The following GRID1 variants were observed in gnomAD, a reference collection of about 807,000 sequenced individuals.
The protein encoded by GRID1 is glutamate ionotropic receptor delta type subunit 1.
GRID1 carries 28 observed loss-of-function variants against 98.0 expected under a neutral mutation model. That is an observed-to-expected ratio of 0.29 (90% CI 0.21 to 0.39). GRID1 has a LOEUF of 0.39. Among genes scored for constraint, GRID1 ranks in the 10% least tolerant of loss-of-function variants. The pLI, the probability that GRID1 is intolerant of heterozygous loss-of-function variation, is 1.00. For missense variants in GRID1, 1,111 were observed against 1,340.5 expected, an observed-to-expected ratio of 0.83 and a Z score of 2.67; for synonymous variants, 553 against 538.5, an observed-to-expected ratio of 1.03 and a Z score of -0.37.
chr10:86,165,836 C>T (rs982206882), intron 3 of GRID1, among the ~76,000 whole-genome samples: 1 of 152,080 alleles, frequency 6.6e-6, no homozygotes, highest in Admixed American at 6.6e-5. Context: ...TGGCAGGAAC[C>T]GACATTCAGC....
intron 2 of GRID1, among the ~76,000 whole-genome samples, chr10:86,242,706 A>C (rs990110985): frequency 6.6e-6 from 1 of 152,218 alleles, no homozygotes; most frequent in Admixed American, 6.5e-5. Context: ...CCTCTCCAGC[A>C]GTACACTCTT....
intron 3 of GRID1, among the ~76,000 whole-genome samples, chr10:86,159,100 T>C (rs1214351480): frequency 6.6e-6 from 1 of 152,170 alleles, no homozygotes; most frequent in Non-Finnish European, 1.5e-5. Context: ...TTCACCGTGT[T>C]AGTCAGGATG....
chr10:86,003,707 A>G (rs1386863041), intron 4 of GRID1, among the ~76,000 whole-genome samples: 4 of 152,262 alleles, frequency 2.6e-5, no homozygotes, highest in Admixed American at 6.5e-5. Context: ...ATGGGTACCT[A>G]AGAAGATATT....
intron 2 of GRID1, among the ~76,000 whole-genome samples, chr10:86,301,235 G>A (rs913411158): frequency 6.6e-6 from 1 of 152,220 alleles, no homozygotes; most frequent in Admixed American, 6.5e-5. Flanking sequence ...TGGACCTGCT[G>A]CTGGGGGCCC....
chr10:85,639,028 G>C (rs930271592), intron 13 of GRID1, among the ~76,000 whole-genome samples: 1 of 152,180 alleles, frequency 6.6e-6, no homozygotes, highest in Non-Finnish European at 1.5e-5. Context: ...ATAGGAGGTA[G>C]TTAGACAGTT....
intron 11 of GRID1, 39 bp downstream of exon 11, chr10:85,724,313 C>A (rs1841736340): frequency 6.5e-7 from 1 of 1,526,836 alleles, no homozygotes; most frequent in African/African-American, 1.4e-5. Flanking sequence ...TCTTCCAGGC[C>A]CCTAGAGCTA....
intron 8 of GRID1, among the ~76,000 whole-genome samples, chr10:85,850,754 C>CA (rs1257359129): frequency 6.6e-6 from 1 of 152,230 alleles, no homozygotes; most frequent in Non-Finnish European, 1.5e-5. Flanking sequence ...AAGTGCTGCA[C>CA]AGTGTCATTA....
chr10:86,343,706 T>C (rs975449650), intron 2 of GRID1, among the ~76,000 whole-genome samples: 13 of 152,214 alleles, frequency 8.5e-5, no homozygotes, highest in African/African-American at 2.9e-4. Context: ...GCCTTGAAGT[T>C]AATGAGGCGT....
At chr10:86,261,110 T>G (rs1172728377) in intron 2 of GRID1, among the ~76,000 whole-genome samples, 3 of 152,240 alleles carry the variant, frequency 2.0e-5, no homozygotes, top group African/African-American at 7.2e-5. Context: ...CAACCCAGGT[T>G]CTATGCTTGG....
At chr10:85,603,005 G>C (rs1199107399) in intron 15 of GRID1, among the ~76,000 whole-genome samples, 3 of 152,174 alleles carry the variant, frequency 2.0e-5, no homozygotes, top group African/African-American at 7.2e-5. Context: ...CAACCCTTAG[G>C]ACAAGATGCT....
intron 8 of GRID1, among the ~76,000 whole-genome samples, chr10:85,845,666 C>T (rs1004756915): frequency 6.6e-6 from 1 of 152,330 alleles, no homozygotes; most frequent in African/African-American, 2.4e-5. Flanking sequence ...GTGGCCCTGT[C>T]TAGTGTGCTT....
At chr10:86,015,257 G>C (rs1277422087) in intron 4 of GRID1, among the ~76,000 whole-genome samples, 3 of 152,158 alleles carry the variant, frequency 2.0e-5, no homozygotes, top group African/African-American at 7.2e-5. Flanking sequence ...AACGCACACG[G>C]GTGTCAGTCA....
intron 2 of GRID1, among the ~76,000 whole-genome samples, chr10:86,304,705 G>A (rs1464877920): frequency 6.6e-6 from 1 of 152,204 alleles, no homozygotes; most frequent in Non-Finnish European, 1.5e-5. Flanking sequence ...TGTAAGATAT[G>A]AGCTACGATC....
chr10:86,088,733 G>T (rs1355267786), intron 4 of GRID1, among the ~76,000 whole-genome samples: 1 of 152,098 alleles, frequency 6.6e-6, no homozygotes, highest in Non-Finnish European at 1.5e-5. Flanking sequence ...ACAAACATAA[G>T]AAGAGTCTGG....
At chr10:86,356,852 GCT>G (rs1194481733) in intron 2 of GRID1, among the ~76,000 whole-genome samples, 3 of 152,236 alleles carry the variant, frequency 2.0e-5, no homozygotes, top group Admixed American at 1.3e-4. Flanking sequence ...CAGAAGGGAT[GCT>G]CTGAGTTGTT....
In GRID1 at chr10:85,613,544, C is replaced by T. The variant is rs143982305; in HGVS notation, c.2464G>A (p.Asp822Asn). Residue 822 changes from aspartate to asparagine, a missense_variant, in exon 15 of 16, where the codon GAC becomes AAC. Asp to Asn is a conservative substitution (Grantham distance 23). Coordinates refer to ENST00000327946, the MANE Select transcript of GRID1 (RefSeq NM_017551.3). ...DLTSHASAQADGKSLKLHSFA... is the reference protein window; with the variant it reads ...DLTSHASAQANGKSLKLHSFA... ...CTGTGCAGCTTGAGGGATTTGCCGT[C>T]GGCCTGGGCGCTGGCATGGCTGGTG... 440 of 1,614,204 alleles carry T rather than the reference C, an allele frequency of 2.7e-4. No homozygotes were observed. The highest frequency in any genetic ancestry group is 8.3e-5 in the Admixed American group (5 of 60,026).
chr10:86,339,274 G>A (rs1234472832), intron 2 of GRID1, among the ~76,000 whole-genome samples: 1 of 152,192 alleles, frequency 6.6e-6, no homozygotes, highest in Non-Finnish European at 1.5e-5. Context: ...GGGAAGGCAG[G>A]GGAGGAGGAG....
intron 10 of GRID1, among the ~76,000 whole-genome samples, chr10:85,725,337 C>T (rs1024765702): frequency 3.9e-5 from 6 of 152,140 alleles, no homozygotes; most frequent in African/African-American, 7.2e-5. Flanking sequence ...CTTGCAAACC[C>T]ACAGGTTTAT....
chr10:86,003,665 T>A (rs1205227000), intron 4 of GRID1, among the ~76,000 whole-genome samples: 1 of 152,206 alleles, frequency 6.6e-6, no homozygotes, highest in African/African-American at 2.4e-5. Context: ...AGAGCAGCTC[T>A]CTTTCCATAA....
Sources: allele counts gnomAD v4.1 joint callset (sites outside exome capture counted in the v4.1 genomes callset), GRCh38; gene constraint gnomAD v4.1.1; transcripts MANE v1.5; gene names NCBI Gene and HGNC (gene_info 2026-07-23, HGNC 2026-07-21).